Variants in RNLS observed in about 807,000 individuals in gnomAD.
RNLS encodes renalase.
A neutral mutation model predicts 39.8 loss-of-function variants in RNLS; 39 were observed. The ratio of observed to expected loss-of-function variants is 0.98; its 90% CI spans 0.76 to 1.28. RNLS has a LOEUF of 1.28. Ranked by LOEUF, RNLS falls within the 50% of genes most tolerant of loss-of-function variation. The pLI is 0.00. For synonymous variants in RNLS, 147 were observed against 150.7 expected, an observed-to-expected ratio of 0.98 and a Z score of 0.18; for missense variants, 410 against 413.3, an observed-to-expected ratio of 0.99 and a Z score of 0.07.
chr10:88,520,629 T>G lies in RNLS; in HGVS notation c.526+52274A>C, dbSNP rs930887244. Among the ~76,000 whole-genome samples the G allele has an allele frequency of 4.6e-5, 7 of 152,178 alleles. No individual in the cohort carries two copies. In the South Asian group the frequency reaches 1.5e-3, roughly 32 times the overall value. ...CCTCTTATTTGCCATCTTCCACATC[T>G]CACACATATGGCACAGATGATCCAT... On this transcript the variant is annotated intron_variant, in intron 4 of 6. Coordinates refer to ENST00000331772, the MANE Select transcript of RNLS (RefSeq NM_001031709.3).
chr10:88,523,720 T>G (rs2134206774), intron 4 of RNLS, among the ~76,000 whole-genome samples: 1 of 152,288 alleles, frequency 6.6e-6, no homozygotes, highest in East Asian at 1.9e-4. Context: ...AAGAAAGTCC[T>G]TTGTAGATAC....
At chr10:88,379,995 A>G (rs1851322132) in intron 4 of RNLS, among the ~76,000 whole-genome samples, 1 of 152,172 alleles carries the variant, frequency 6.6e-6, no homozygotes, top group Non-Finnish European at 1.5e-5. Context: ...GCACAGAGAC[A>G]AACGTCTGCA....
chr10:88,410,237 T>C (rs1853568784), intron 4 of RNLS, among the ~76,000 whole-genome samples: 1 of 152,182 alleles, frequency 6.6e-6, no homozygotes, highest in African/African-American at 2.4e-5. Flanking sequence ...TTCATAGTTT[T>C]ATTATTCAAA....
chr10:88,373,822 G>A (rs1423499287), intron 4 of RNLS, among the ~76,000 whole-genome samples: 7 of 151,804 alleles, frequency 4.6e-5, no homozygotes, highest in Admixed American at 2.6e-4. Context: ...TGAGATTCAC[G>A]TCACTGCAAA....
chr10:88,257,596 C>A, the RNLS span, among the ~76,000 whole-genome samples: 1 of 152,070 alleles, frequency 6.6e-6, no homozygotes, highest in Admixed American at 6.5e-5. Flanking sequence ...CCGATGAATC[C>A]CTAGAGCCTA....
rs78338097 is a variant in RNLS at position 88,346,502 on chromosome 10, T to A, written c.700+16050A>T. Among the ~76,000 whole-genome samples, 1,128 of 152,308 alleles carry A rather than the reference T, an allele frequency of 7.4e-3. 19 individuals carry two copies. Among genetic ancestry groups the A allele is most frequent in the East Asian group, 0.025 (131 of 5,188 alleles). ...TTTCAGTGGCTTTCAGATTCAGCAA[T>A]TAAACGAAGAGCTTATTCATTTTAT... On this transcript the variant is annotated intron_variant, in intron 5 of 6. Coordinates refer to ENST00000331772, the MANE Select transcript of RNLS (RefSeq NM_001031709.3).
chr10:88,414,894 G>A (rs1244887627), intron 4 of RNLS, among the ~76,000 whole-genome samples: 2 of 152,166 alleles, frequency 1.3e-5, no homozygotes, highest in African/African-American at 2.4e-5. Context: ...TCTTTTGAGA[G>A]GAGCATTCAG....
chr10:88,203,201 G>A, the RNLS span, among the ~76,000 whole-genome samples: 17 of 141,538 alleles, frequency 1.2e-4, no homozygotes, highest in South Asian at 3.8e-3. Flanking sequence ...AAAACTCCAA[G>A]ATGAATAGAA....
the RNLS span, among the ~76,000 whole-genome samples, chr10:88,258,836 T>A: frequency 1.3e-5 from 2 of 152,198 alleles, 1 homozygote; most frequent in South Asian, 4.1e-4. Flanking sequence ...GTCTGGGTAT[T>A]GGAAAAGACA....
At chr10:88,453,465 C>T (rs1654649340) in intron 4 of RNLS, among the ~76,000 whole-genome samples, 2 of 152,166 alleles carry the variant, frequency 1.3e-5, no homozygotes, top group African/African-American at 4.8e-5. Flanking sequence ...TCATCAGAGA[C>T]TTTGTTGTGA....
chr10:88,394,129 T>C (rs544400957), intron 4 of RNLS, among the ~76,000 whole-genome samples: 32 of 152,300 alleles, frequency 2.1e-4, no homozygotes, highest in Admixed American at 1.2e-3. Flanking sequence ...GACATAGGCA[T>C]GGGCAAGGAC....
At chr10:88,212,619 C>T in the RNLS span, among the ~76,000 whole-genome samples, 8 of 152,184 alleles carry the variant, frequency 5.3e-5, no homozygotes, top group Non-Finnish European at 1.0e-4. Context: ...ATTTTGGATA[C>T]TATGTTTTCC....
intron 4 of RNLS, among the ~76,000 whole-genome samples, chr10:88,533,404 A>G (rs1847557102): frequency 6.6e-6 from 1 of 152,196 alleles, no homozygotes; most frequent in Admixed American, 6.6e-5. Flanking sequence ...GTTAGAAAAA[A>G]GATACAGAAA....
chr10:88,344,219 A>T (rs1848162356), intron 5 of RNLS, among the ~76,000 whole-genome samples: 1 of 152,158 alleles, frequency 6.6e-6, no homozygotes, highest in Admixed American at 6.5e-5. Flanking sequence ...TGCTCAAATG[A>T]GCAAAATACA....
the RNLS span, among the ~76,000 whole-genome samples, chr10:88,232,457 T>C: frequency 1.3e-5 from 2 of 152,172 alleles, no homozygotes; most frequent in South Asian, 4.1e-4. Context: ...CATCTTTTTC[T>C]TTTTTTAGAG....
At chr10:88,518,254 G>A (rs1846517617) in intron 4 of RNLS, among the ~76,000 whole-genome samples, 1 of 151,824 alleles carries the variant, frequency 6.6e-6, no homozygotes, top group Admixed American at 6.6e-5. Flanking sequence ...ACAGTAAGTA[G>A]CATGCATATG....
intron 4 of RNLS, among the ~76,000 whole-genome samples, chr10:88,477,914 C>T (rs980670347): frequency 1.3e-5 from 2 of 152,220 alleles, no homozygotes; most frequent in East Asian, 1.9e-4. Context: ...GCAATACTAG[C>T]TGGAGGTTCA....
downstream of RNLS, among the ~76,000 whole-genome samples, chr10:88,269,345 G>A (rs1054082041): frequency 2.0e-5 from 3 of 152,122 alleles, no homozygotes; most frequent in African/African-American, 7.2e-5. Flanking sequence ...TATGTAAATA[G>A]GGCTAGTATA....
At chr10:88,451,224 A>G (rs78573633) in intron 4 of RNLS, among the ~76,000 whole-genome samples, 2,941 of 152,284 alleles carry the variant, frequency 0.019, 47 homozygotes, top group South Asian at 0.071. Flanking sequence ...CTACCTCCCA[A>G]ATGGCAACTT....
Sources: allele counts gnomAD v4.1 joint callset (sites outside exome capture counted in the v4.1 genomes callset), GRCh38; gene constraint gnomAD v4.1.1; transcripts MANE v1.5; gene names NCBI Gene and HGNC (gene_info 2026-07-23, HGNC 2026-07-21).